NRXN3: variants seen among roughly 807,000 people sequenced by gnomAD.
NRXN3 encodes the protein neurexin 3.
NRXN3 carries 32 observed loss-of-function variants against 137.6 expected under a neutral mutation model. The observed-to-expected ratio is 0.23, with a 90% CI of 0.18 to 0.31. The LOEUF (loss-of-function observed/expected upper bound fraction) is 0.31, where lower values mean the gene tolerates loss of function less well. NRXN3 is among the 10% of genes least tolerant of loss of function. The pLI is 1.00. For synonymous variants in NRXN3, 798 were observed against 784.5 expected, an observed-to-expected ratio of 1.02 and a Z score of -0.29; for missense variants, 1,574 against 2,062.5, an observed-to-expected ratio of 0.76 and a Z score of 4.59.
At chr14:78,902,552 A>G (rs2099200065) in intron 10 of NRXN3, among the ~76,000 whole-genome samples, 1 of 152,034 alleles carries the variant, frequency 6.6e-6, no homozygotes, top group Non-Finnish European at 1.5e-5. Flanking sequence ...AGGAGGAGGA[A>G]GGGGAGGAGG....
At chr14:79,336,890 AT>A (rs1423645979) in intron 15 of NRXN3, among the ~76,000 whole-genome samples, 1 of 152,120 alleles carries the variant, frequency 6.6e-6, no homozygotes, top group Admixed American at 6.6e-5. Context: ...ATATTTTACT[AT>A]TGATAAAATA....
At chr14:78,198,082 A>C (rs374049263) in intron 1 of NRXN3, among the ~76,000 whole-genome samples, 1 of 152,198 alleles carries the variant, frequency 6.6e-6, no homozygotes, top group South Asian at 2.1e-4. Context: ...TCCTGCGGCC[A>C]CTGCCCTGTT....
chr14:78,735,655 G>A (rs2098538025), intron 8 of NRXN3, among the ~76,000 whole-genome samples: 1 of 152,140 alleles, frequency 6.6e-6, no homozygotes, highest in Non-Finnish European at 1.5e-5. Context: ...AGCAGGAGAG[G>A]TAGAATCTTC....
intron 19 of NRXN3, among the ~76,000 whole-genome samples, chr14:79,742,048 G>C (rs574364507): frequency 6.6e-6 from 1 of 152,082 alleles, no homozygotes; most frequent in East Asian, 1.9e-4. Context: ...TGAAACAGAG[G>C]GGAGCCTGAT....
At position 78,538,322 on chromosome 14, in the gene NRXN3, A is replaced by C. The variant is rs1417903813; in HGVS notation, c.758-106798A>C. Among the ~76,000 whole-genome samples, 19 of 152,232 alleles carry C rather than the reference A, an allele frequency of 1.2e-4. 1 individual carries two copies. The East Asian group carries it at 1.9e-3, about 15-fold the overall frequency. On this transcript the variant is annotated intron_variant, in intron 4 of 20. Transcript: ENST00000335750. ...GGTTTGTAGTTCTCCTTGAAGAGGTACTTCACATCCCTTGTAAGTTGGATT... is the reference window on the plus strand; with the variant it reads ...GGTTTGTAGTTCTCCTTGAAGAGGTCCTTCACATCCCTTGTAAGTTGGATT...
intron 19 of NRXN3, among the ~76,000 whole-genome samples, chr14:79,753,324 T>C (rs1397323997): frequency 6.6e-6 from 1 of 151,976 alleles, no homozygotes; most frequent in Non-Finnish European, 1.5e-5. Context: ...CTAACCCAAA[T>C]GTCCAACAAT....
At chr14:79,734,871 G>C (rs990419931) in intron 19 of NRXN3, among the ~76,000 whole-genome samples, 4 of 152,106 alleles carry the variant, frequency 2.6e-5, no homozygotes, top group Non-Finnish European at 5.9e-5. Flanking sequence ...CTGAATAAAT[G>C]CTTGCACCAA....
intron 19 of NRXN3, among the ~76,000 whole-genome samples, chr14:79,740,220 ACTGT>A (rs933262865): frequency 6.6e-6 from 1 of 152,002 alleles, no homozygotes; most frequent in African/African-American, 2.4e-5. Context: ...TTCTTTTGCC[ACTGT>A]CCTACTTTGG....
At chr14:78,866,702 T>G (rs1223480905) in intron 10 of NRXN3, among the ~76,000 whole-genome samples, 1 of 152,104 alleles carries the variant, frequency 6.6e-6, no homozygotes, top group Non-Finnish European at 1.5e-5. Flanking sequence ...TCAAAGATAT[T>G]ATTCAGCAAC....
intron 8 of NRXN3, among the ~76,000 whole-genome samples, chr14:78,798,623 G>C (rs1382703801): frequency 6.6e-6 from 1 of 152,196 alleles, no homozygotes; most frequent in Non-Finnish European, 1.5e-5. Context: ...ACTCTGTGTG[G>C]GGGCTCACAC....
Position 79,862,183 on chromosome 14 carries a change from G to A in NRXN3, c.*219G>A. The A allele has an allele frequency of 1.9e-6, 1 of 522,536 alleles. No individual in the cohort carries two copies. Among genetic ancestry groups the A allele is most frequent in the Non-Finnish European group, 3.4e-6 (1 of 291,670 alleles). 32.4% of individuals were successfully genotyped at this position (522,536 alleles called of 1,614,324 possible). A position where few individuals can be genotyped will look rare whatever the true frequency, so the allele number is the denominator to read the frequency against. On this transcript the variant is annotated 3_prime_UTR_variant, in exon 21 of 21. Transcript: ENST00000335750. ...CAGCCACGGCTGCGGCAAGGTCCCA[G>A]CGGTCGCTGGGAGACAGAAGGTTTT... is the stretch of plus-strand genomic sequence containing the variant.
chr14:79,243,993 C>T (rs1183855834), intron 15 of NRXN3, among the ~76,000 whole-genome samples: 2 of 152,126 alleles, frequency 1.3e-5, no homozygotes, highest in African/African-American at 4.8e-5. Flanking sequence ...GGAACATCAC[C>T]AAACAAAGCT....
At chr14:78,574,797 A>T (rs1299804734) in intron 4 of NRXN3, among the ~76,000 whole-genome samples, 1 of 152,206 alleles carries the variant, frequency 6.6e-6, no homozygotes, top group Non-Finnish European at 1.5e-5. Context: ...GGACTGTGGG[A>T]AGGGCATGAC....
At chr14:79,586,541 T>C (rs771448404) in intron 16 of NRXN3, among the ~76,000 whole-genome samples, 1 of 152,170 alleles carries the variant, frequency 6.6e-6, no homozygotes, top group Non-Finnish European at 1.5e-5. Context: ...CAGTGGAGTC[T>C]GATTTGGCCT....
chr14:79,220,130 T>G (rs1004667713), intron 15 of NRXN3, among the ~76,000 whole-genome samples: 8 of 152,222 alleles, frequency 5.3e-5, no homozygotes, highest in African/African-American at 1.9e-4. Flanking sequence ...TATTTCTTAG[T>G]TTCACATCTG....
intron 4 of NRXN3, among the ~76,000 whole-genome samples, chr14:78,535,008 T>C (rs1253100318): frequency 6.6e-6 from 1 of 152,208 alleles, no homozygotes; most frequent in Non-Finnish European, 1.5e-5. Flanking sequence ...TGATTGTTCC[T>C]TTGTTATAAG....
At chr14:78,978,661 G>T (rs1392455715) in intron 14 of NRXN3, among the ~76,000 whole-genome samples, 1 of 148,728 alleles carries the variant, frequency 6.7e-6, no homozygotes, top group African/African-American at 2.5e-5. Flanking sequence ...TATTAGTTAG[G>T]GTTCTCCAGA....
chr14:79,025,022 G>T (rs917836643), intron 15 of NRXN3, among the ~76,000 whole-genome samples: 6 of 152,094 alleles, frequency 3.9e-5, no homozygotes, highest in Non-Finnish European at 8.8e-5. Flanking sequence ...GTGACTGCCT[G>T]TAAAGCCAGT....
rs138995830 is a variant in NRXN3 at position 79,671,844 on chromosome 14, A to G, written c.3616+7895A>G. ...AAACTGGAGCTTGGACTAATGCTAA[A>G]ATTAAACATAACCACCCAGAAGACA... On this transcript the variant is annotated intron_variant, in intron 17 of 20. Coordinates refer to ENST00000335750, the MANE Select transcript of NRXN3 (RefSeq NM_001330195.2). 4.4e-3 allele frequency among the ~76,000 whole-genome samples: 664 copies of G among 152,168 alleles called. 1 individual carries two copies. The highest frequency in any genetic ancestry group is 7.5e-3 in the Non-Finnish European group (512 of 67,968).
Sources: allele counts gnomAD v4.1 joint callset (sites outside exome capture counted in the v4.1 genomes callset), GRCh38; gene constraint gnomAD v4.1.1; transcripts MANE v1.5; gene names NCBI Gene and HGNC (gene_info 2026-07-23, HGNC 2026-07-21).